The following MTOR variants were observed in gnomAD, a reference collection of about 807,000 sequenced individuals.
MTOR encodes the protein serine/threonine-protein kinase mTOR.
MTOR carries 70 observed loss-of-function variants against 319.8 expected under a neutral mutation model. That is an observed-to-expected ratio of 0.22 (90% CI 0.18 to 0.27). The LOEUF (loss-of-function observed/expected upper bound fraction) is 0.27. Ranked by LOEUF, MTOR falls within the 10% of genes least tolerant of loss-of-function variation. The probability of loss-of-function intolerance (pLI) is 1.00; values close to 1 mark genes in which losing one functional copy is unlikely to be tolerated. For synonymous variants in MTOR, 1,183 were observed against 1,211.4 expected (o/e 0.98, Z 0.49); for missense variants, 1,890 against 3,274.4 (o/e 0.58, Z 10.32).
At chr1:11,255,393 AAAAAAAAAAAAAAAAAG>A (rs1650250635) in intron 5 of MTOR, among the ~76,000 whole-genome samples, 1 of 40,944 alleles carries the variant, frequency 2.4e-5, no homozygotes. Flanking sequence ...AAAAAAAAAA[AAAAAAAAAAAAAAAAAG>A]AAAGAGGTAC....
chr1:11,200,923 G>A (rs989690514), intron 26 of MTOR, among the ~76,000 whole-genome samples: 28 of 151,800 alleles, frequency 1.8e-4, no homozygotes, highest in Non-Finnish European at 3.1e-4. Context: ...GCTGAGGCAG[G>A]AGAATGGCTT....
At chr1:11,260,128 A>C (rs192625229) in intron 1 of MTOR, among the ~76,000 whole-genome samples, 13 of 152,264 alleles carry the variant, frequency 8.5e-5, no homozygotes, top group Non-Finnish European at 1.9e-4. Flanking sequence ...TACTATGTAC[A>C]TGGCAAAATG....
At chr1:11,213,370 C>T in intron 21 of MTOR, 29 bp downstream of exon 21, 2 of 1,594,834 alleles carry the variant, frequency 1.3e-6, no homozygotes, top group South Asian at 2.3e-5. Flanking sequence ...ATCAGAAAAT[C>T]TCTCTGGAGG....
chr1:11,154,079 A>AAAAAAAT, intron 30 of MTOR, among the ~76,000 whole-genome samples: 1 of 137,158 alleles, frequency 7.3e-6, no homozygotes, highest in Non-Finnish European at 1.5e-5. Context: ...AAAAAAAAAA[A>AAAAAAAT]AAAAAAAAAA....
chr1:11,210,694 A>G, intron 24 of MTOR, 120 bp downstream of exon 24: 2 of 696,780 alleles, frequency 2.9e-6, no homozygotes, highest in Non-Finnish European at 4.8e-6. Flanking sequence ...AACTGGAAAA[A>G]AGTTTGCCAA....
intron 30 of MTOR, among the ~76,000 whole-genome samples, chr1:11,150,528 A>G (rs547759837): frequency 6.6e-6 from 1 of 152,176 alleles, no homozygotes; most frequent in African/African-American, 2.4e-5. Flanking sequence ...TCCTATGCCA[A>G]AGAATTCTGG....
intron 25 of MTOR, among the ~76,000 whole-genome samples, chr1:11,209,016 A>C (rs866543677): frequency 6.6e-6 from 1 of 152,228 alleles, no homozygotes; most frequent in African/African-American, 2.4e-5. Flanking sequence ...TAGGGGGCTC[A>C]CTAGCTTTGT....
chr1:11,201,394 T>TA (rs1645964552), intron 26 of MTOR, among the ~76,000 whole-genome samples: 1 of 152,082 alleles, frequency 6.6e-6, no homozygotes, highest in Non-Finnish European at 1.5e-5. Flanking sequence ...TTTAAAGCAT[T>TA]AAAAAATACT....
intron 29 of MTOR, among the ~76,000 whole-genome samples, chr1:11,162,820 C>G (rs186274990): frequency 0.017 from 2,645 of 152,322 alleles, 82 homozygotes; most frequent in Admixed American, 0.077. Context: ...GTACCAGCCA[C>G]TCCAAAAACA....
chr1:11,131,109 C>A, intron 38 of MTOR: 1 of 341,828 alleles, frequency 2.9e-6, no homozygotes. Context: ...CTGCAAGGCA[C>A]AATGGGAGTA....
At chr1:11,168,210 A>G (rs544210668) in intron 28 of MTOR, among the ~76,000 whole-genome samples, 1 of 148,400 alleles carries the variant, frequency 6.7e-6, no homozygotes. Context: ...ACTCCTCTGA[A>G]CTTTTTTTTT....
chr1:11,135,650 A>G (rs1186691882), intron 36 of MTOR, among the ~76,000 whole-genome samples: 2 of 151,880 alleles, frequency 1.3e-5, no homozygotes, highest in Non-Finnish European at 2.9e-5. Flanking sequence ...CCTGGCCAAC[A>G]TGGTGAAACC....
chr1:11,124,956 G>A (rs1008290282), intron 46 of MTOR, among the ~76,000 whole-genome samples: 7 of 152,190 alleles, frequency 4.6e-5, no homozygotes, highest in African/African-American at 1.4e-4. Context: ...CCTACAAGCC[G>A]CATCACCTGG....
chr1:11,226,218 T>G (rs901257332), intron 19 of MTOR: 1 of 152,260 alleles, frequency 6.6e-6, no homozygotes, highest in East Asian at 1.9e-4. Context: ...AGTATTCTCT[T>G]TATATGAGAA....
chr1:11,111,698 A>T (rs1641885743), intron 54 of MTOR: 1 of 152,616 alleles, frequency 6.6e-6, no homozygotes. Flanking sequence ...CAATTCTGTA[A>T]TGCTTTCTGT....
chr1:11,116,499 G>C (rs944682541), intron 50 of MTOR, among the ~76,000 whole-genome samples: 1 of 151,824 alleles, frequency 6.6e-6, no homozygotes, highest in Non-Finnish European at 1.5e-5. Context: ...TTGTAGAGAC[G>C]GGATCTTGCT....
chr1:11,199,911 G>C lies in MTOR; in HGVS notation c.3945-208C>G, dbSNP rs1277206784. 6.6e-6 allele frequency among the ~76,000 whole-genome samples: 1 copy of C among 152,192 alleles called. No individual in the cohort carries two copies. The highest frequency in any genetic ancestry group is 1.5e-5 in the Non-Finnish European group (1 of 68,038). The stretch of plus-strand genomic sequence containing the variant: ...CTTGAACTGTGGCAAGTGTGGCCAA[G>C]GAACTGAATTTTACATTTTATTTAT... On this transcript the variant is annotated intron_variant, in intron 26 of 57. Coordinates refer to ENST00000361445, the MANE Select transcript of MTOR (RefSeq NM_004958.4). The surrounding 1 kb of genome is among the most constrained non-coding windows in gnomAD (Gnocchi z 4.5).
At chr1:11,155,474 T>C (rs556611747) in intron 30 of MTOR, among the ~76,000 whole-genome samples, 95 of 152,216 alleles carry the variant, frequency 6.2e-4, no homozygotes, top group Non-Finnish European at 2.9e-5. Context: ...TCATAACATC[T>C]AGGAAAAATA....
At chr1:11,192,820 A>G (rs1301898029) in intron 28 of MTOR, among the ~76,000 whole-genome samples, 2 of 151,470 alleles carry the variant, frequency 1.3e-5, no homozygotes, top group African/African-American at 4.9e-5. Context: ...CTATGCAAAC[A>G]CTCAGTTTAT....
Sources: allele counts gnomAD v4.1 joint callset (sites outside exome capture counted in the v4.1 genomes callset), GRCh38; gene constraint gnomAD v4.1.1; non-coding constraint Gnocchi (gnomAD v3.1); transcripts MANE v1.5; gene names NCBI Gene and HGNC (gene_info 2026-07-23, HGNC 2026-07-21).